TXNL4A: variants seen among roughly 807,000 people sequenced by gnomAD.
The protein encoded by TXNL4A is thioredoxin like 4A.
In TXNL4A, 17 loss-of-function variants were observed where a neutral mutation model predicts 14.6. That is an observed-to-expected ratio of 1.16 (90% CI 0.80 to 1.74). The LOEUF (loss-of-function observed/expected upper bound fraction) is 1.74. TXNL4A is among the 40% of genes most tolerant of loss of function. TXNL4A has a pLI of 0.00. For missense variants in TXNL4A, 74 were observed against 195.2 expected, an observed-to-expected ratio of 0.38 and a Z score of 3.70; for synonymous variants, 83 against 70.6, an observed-to-expected ratio of 1.18 and a Z score of -0.88.
upstream of TXNL4A, among the ~76,000 whole-genome samples, chr18:79,989,884 T>C (rs1268497295): frequency 2.0e-5 from 3 of 152,170 alleles, no homozygotes; most frequent in African/African-American, 7.2e-5. Context: ...TAATCCCAGC[T>C]ACTAGGGAGG....
chr18:79,978,276 T>C (rs2051410649), intron 1 of TXNL4A, among the ~76,000 whole-genome samples: 1 of 152,178 alleles, frequency 6.6e-6, no homozygotes, highest in African/African-American at 2.4e-5. Flanking sequence ...GTTACATGCA[T>C]CTCACAACTG....
At chr18:80,015,536 A>T (rs1295860395) in intron 1 of TXNL4A, among the ~76,000 whole-genome samples, 1 of 134,512 alleles carries the variant, frequency 7.4e-6, no homozygotes, top group East Asian at 2.3e-4. Context: ...AACAGTCCCC[A>T]GAGTGTGATG....
chr18:80,022,943 T>A (rs2051859543), intron 1 of TXNL4A, among the ~76,000 whole-genome samples: 1 of 152,158 alleles, frequency 6.6e-6, no homozygotes, highest in Non-Finnish European at 1.5e-5. Context: ...CCACTCAGCC[T>A]AAAGGCTCCC....
In TXNL4A at chr18:79,998,596, G is replaced by C. The variant is rs544657406; in HGVS notation, c.-60-20895C>G. 5.5e-3 allele frequency among the ~76,000 whole-genome samples: 828 copies of C among 149,358 alleles called. 6 individuals carry two copies. The highest frequency in any genetic ancestry group is 0.016 in the African/African-American group (646 of 40,320). On this transcript the variant is annotated intron_variant, in intron 1 of 2. Transcript: ENST00000585474. ...AGCCAACACCTGGACCCGGTGGCTT[G>C]AGGGCTGCCTCCTTGTGTGAGAGCA...
intron 1 of TXNL4A, among the ~76,000 whole-genome samples, chr18:79,981,580 G>C (rs1373773038): frequency 6.6e-6 from 1 of 152,238 alleles, no homozygotes; most frequent in Non-Finnish European, 1.5e-5. Flanking sequence ...GCTGAGGCAG[G>C]AGAATCACCT....
intron 1 of TXNL4A, among the ~76,000 whole-genome samples, chr18:80,022,044 GTTAGA>G (rs1212427089): frequency 1.3e-5 from 2 of 151,508 alleles, no homozygotes; most frequent in Non-Finnish European, 2.9e-5. Flanking sequence ...CATCTTTTAA[GTTAGA>G]TTAAACACTT....
intron 1 of TXNL4A, among the ~76,000 whole-genome samples, chr18:80,027,931 G>C (rs2051895687): frequency 6.6e-6 from 1 of 152,192 alleles, no homozygotes; most frequent in South Asian, 2.1e-4. Context: ...GGCTATTGTA[G>C]AAACTGGATA....
intron 2 of TXNL4A, among the ~76,000 whole-genome samples, chr18:79,974,701 A>C (rs900355984): frequency 2.0e-5 from 3 of 151,966 alleles, no homozygotes; most frequent in Non-Finnish European, 4.4e-5. Flanking sequence ...CTGGTCTCAA[A>C]CTCATGGCCT....
intron 1 of TXNL4A, among the ~76,000 whole-genome samples, chr18:79,996,542 C>A (rs2051663829): frequency 6.6e-6 from 1 of 152,186 alleles, no homozygotes; most frequent in Admixed American, 6.5e-5. Flanking sequence ...CCCCGTCAAT[C>A]TTTTGGGCTG....
At chr18:79,996,255 A>T (rs2051661890) in intron 1 of TXNL4A, among the ~76,000 whole-genome samples, 1 of 152,180 alleles carries the variant, frequency 6.6e-6, no homozygotes, top group Non-Finnish European at 1.5e-5. Context: ...TTCTACCCTG[A>T]CAAATTGGGA....
chr18:79,988,233 G>T lies in TXNL4A; in HGVS notation c.153+7C>A. 6.5e-7 allele frequency: 1 copy of T among 1,529,144 alleles called. No individual in the cohort carries two copies. Among genetic ancestry groups the T allele is most frequent in the South Asian group, 1.2e-5 (1 of 83,254 alleles). The allele number at this position is 1,529,144 out of a possible 1,614,324, so 94.7% of individuals were successfully genotyped here. A position where few individuals can be genotyped will look rare whatever the true frequency, so the allele number is the denominator to read the frequency against. On this transcript the variant is annotated splice_region_variant and intron_variant, in intron 1 of 2. Coordinates refer to ENST00000269601, the MANE Select transcript of TXNL4A (RefSeq NM_006701.5). ...AGCCCGCAGAGCGGGAGAGTCCGGC[G>T]CGCTACCTTCTCGGCGATGCTGTAC...
intron 1 of TXNL4A, among the ~76,000 whole-genome samples, chr18:80,006,787 T>C (rs1399189258): frequency 6.6e-6 from 1 of 152,218 alleles, no homozygotes; most frequent in Admixed American, 6.5e-5. Flanking sequence ...GTTTTATCGA[T>C]GAGCTTGAGA....
chr18:79,977,445 G>T, intron 2 of TXNL4A, 153 bp downstream of exon 2: 1 of 634,212 alleles, frequency 1.6e-6, no homozygotes, highest in Non-Finnish European at 2.8e-6. Context: ...TTATTTCAAA[G>T]ATTCACACTG....
At chr18:80,032,701 G>A (rs1042078224) in intron 1 of TXNL4A, among the ~76,000 whole-genome samples, 4 of 152,182 alleles carry the variant, frequency 2.6e-5, no homozygotes, top group African/African-American at 9.7e-5. Flanking sequence ...GTAGCTGGGT[G>A]TGGTGGCACA....
intron 1 of TXNL4A, among the ~76,000 whole-genome samples, chr18:80,009,026 C>T (rs2051751714): frequency 1.3e-5 from 2 of 152,210 alleles, no homozygotes; most frequent in Admixed American, 1.3e-4. Flanking sequence ...ATCCGCCCTC[C>T]TCGGCCTCCC....
chr18:80,023,753 A>C (rs1351856742), intron 1 of TXNL4A, among the ~76,000 whole-genome samples: 2 of 152,224 alleles, frequency 1.3e-5, no homozygotes, highest in Admixed American at 6.5e-5. Flanking sequence ...CTAGGAAGTT[A>C]CAAAAACAAT....
At chr18:79,981,946 T>C (rs541588641) in intron 1 of TXNL4A, among the ~76,000 whole-genome samples, 27 of 127,332 alleles carry the variant, frequency 2.1e-4, no homozygotes, top group African/African-American at 6.6e-4. Context: ...TCTAAATAGA[T>C]GTCGCCGATG....
At chr18:80,012,066 C>G (rs1260594635) in intron 1 of TXNL4A, among the ~76,000 whole-genome samples, 2 of 152,250 alleles carry the variant, frequency 1.3e-5, no homozygotes, top group Admixed American at 1.3e-4. Flanking sequence ...CTTTTAAACT[C>G]TTACTCTGTC....
rs1034052282 is a variant in TXNL4A at position 79,973,975 on chromosome 18, C to T, written c.258-119G>A. The T allele has an allele frequency of 2.3e-5, 33 of 1,410,248 alleles. No homozygotes were observed. The Admixed American group carries it at 3.2e-4, about 14-fold the overall frequency. The allele number at this position is 1,410,248 out of a possible 1,614,324, so 87.4% of individuals were successfully genotyped here. A position where few individuals can be genotyped will look rare whatever the true frequency, so the allele number is the denominator to read the frequency against. On this transcript the variant is annotated intron_variant, in intron 2 of 2. Coordinates refer to ENST00000269601, the MANE Select transcript of TXNL4A (RefSeq NM_006701.5). ...CTCTTGTTAACATCACTGAAGAACG[C>T]ATAAAATCGAGAGTGTATGCCATGA...
Sources: gnomAD v4.1 joint callset for allele counts (sites outside exome capture counted in the v4.1 genomes callset) on GRCh38, gnomAD v4.1.1 for gene constraint, MANE v1.5 for transcripts, NCBI Gene and HGNC (gene_info 2026-07-23, HGNC 2026-07-21) for gene names.